TMC7: variants seen among roughly 807,000 people sequenced by gnomAD.
TMC7 encodes transmembrane channel like 7, also known as transmembrane channel-like protein 7.
A neutral mutation model predicts 82.9 loss-of-function variants in TMC7; 54 were observed. The observed-to-expected ratio is 0.65, with a 90% CI of 0.52 to 0.82. The LOEUF (loss-of-function observed/expected upper bound fraction) is 0.82. Ranked by LOEUF, TMC7 falls within the 40% of genes least tolerant of loss-of-function variation. TMC7 has a pLI of 0.00. For missense variants in TMC7, 820 were observed against 901.2 expected (o/e 0.91, Z 1.15); for synonymous variants, 350 against 337.9 (o/e 1.04, Z -0.39).
Position 19,009,451 on chromosome 16 carries a change from A to G in TMC7, c.311+36A>G, listed in dbSNP as rs368219741. On this transcript the variant is annotated intron_variant, in intron 2 of 15. Coordinates refer to ENST00000304381, the MANE Select transcript of TMC7 (RefSeq NM_024847.4). ...TAGCCACCTGGAACCTGCATTGTGT[A>G]TGTTATGGCCCAGAGGTATGTTTTG... The G allele has an allele frequency of 3.8e-6, 6 of 1,593,770 alleles. No homozygotes were observed. The African/African-American group carries it at 6.7e-5, about 18-fold the overall frequency.
chr16:19,020,861 T>TAAAA (rs1211938579), intron 3 of TMC7, among the ~76,000 whole-genome samples: 2 of 140,722 alleles, frequency 1.4e-5, no homozygotes, highest in Admixed American at 7.0e-5. Flanking sequence ...CAAAAATAAA[T>TAAAA]AAATAAATAA....
At chr16:19,039,284 T>A (rs1960902951) in intron 8 of TMC7, among the ~76,000 whole-genome samples, 1 of 151,502 alleles carries the variant, frequency 6.6e-6, no homozygotes. Context: ...AGAGACAGGG[T>A]TTCACCAGTT....
At position 19,028,610 on chromosome 16, in the gene TMC7, A is replaced by T. The variant is rs528039864; in HGVS notation, c.712-1614A>T. ...TTTGGCCATAGATCTTCTGATCCAT[A>T]AACATGGGATGTTGTCCGTTTCTTT... On this transcript the variant is annotated intron_variant, in intron 5 of 15. Coordinates refer to ENST00000304381, the MANE Select transcript of TMC7 (RefSeq NM_024847.4). Among the ~76,000 whole-genome samples the T allele has an allele frequency of 1.1e-3, 168 of 152,224 alleles. 1 individual carries two copies. Among genetic ancestry groups the T allele is most frequent in the Admixed American group, 3.3e-3 (50 of 15,252 alleles).
chr16:18,988,937 C>G (rs1460187620), intron 1 of TMC7, among the ~76,000 whole-genome samples: 1 of 151,814 alleles, frequency 6.6e-6, no homozygotes, highest in Non-Finnish European at 1.5e-5. Flanking sequence ...GTAGTCCCAG[C>G]TACTTGGGAA....
intron 4 of TMC7, 51 bp from the exon 5 acceptor site, chr16:19,023,062 T>C: frequency 8.4e-7 from 1 of 1,195,598 alleles, no homozygotes; most frequent in Non-Finnish European, 1.2e-6. Context: ...CCAGGCAGGT[T>C]ATAGAGACTA....
chr16:19,058,909 G>A (rs1352107910), intron 14 of TMC7, among the ~76,000 whole-genome samples: 1 of 152,092 alleles, frequency 6.6e-6, no homozygotes, highest in Non-Finnish European at 1.5e-5. Flanking sequence ...ACGGAGGCTT[G>A]CTCTGCCGCC....
intron 4 of TMC7, 108 bp from the exon 5 acceptor site, chr16:19,023,005 G>A: frequency 1.7e-6 from 1 of 601,848 alleles, no homozygotes. Context: ...GGATGACAGA[G>A]CGAGACTCCA....
chr16:18,988,046 G>T (rs2038883299), intron 1 of TMC7, among the ~76,000 whole-genome samples: 1 of 151,912 alleles, frequency 6.6e-6, no homozygotes, highest in African/African-American at 2.4e-5. Flanking sequence ...GTTTCCTTCT[G>T]CAGTCTCAAA....
intron 6 of TMC7, among the ~76,000 whole-genome samples, chr16:19,031,095 T>C (rs1007682573): frequency 1.3e-5 from 2 of 152,138 alleles, no homozygotes; most frequent in African/African-American, 4.8e-5. Flanking sequence ...AGGAACGATA[T>C]CAAAAGTAAG....
chr16:18,991,161 G>T (rs1160228906), intron 1 of TMC7, among the ~76,000 whole-genome samples: 2 of 152,114 alleles, frequency 1.3e-5, no homozygotes, highest in Admixed American at 6.6e-5. Flanking sequence ...AAGATTTTGG[G>T]GTAAGGGCTG....
In TMC7 at chr16:19,051,780, G is replaced by A; in HGVS notation, c.1835G>A (p.Cys612Tyr). The change falls in exon 13 of 16, where the codon TGT (cysteine) becomes TAT (tyrosine). Residue 612 changes from cysteine to tyrosine, a missense_variant. Around this residue, in one of 2 missense-constraint regions of TMC7, gnomAD observed 170 missense variants for 231.3 expected, o/e 0.74. Coordinates refer to ENST00000304381, the MANE Select transcript of TMC7 (RefSeq NM_024847.4). Reference protein sequence around the residue: ...FFLLVLLIGLCLAIIPLTISI... With the variant: ...FFLLVLLIGLYLAIIPLTISI... ...CTGTTGGTGTTGTTGATCGGGCTGT[G>A]TTTGGCAATAATACCTCTGACAATC... The A allele has an allele frequency of 6.2e-7, 1 of 1,614,048 alleles. No individual in the cohort carries two copies. The highest frequency in any genetic ancestry group is 1.3e-5 in the African/African-American group (1 of 75,004).
rs369097891 is a variant in TMC7, at chr16:18,994,267, A to G, written c.67+10137A>G. Among the ~76,000 whole-genome samples the G allele has an allele frequency of 1.4e-4, 21 of 150,766 alleles. 1 individual carries two copies. The South Asian group carries it at 4.4e-3, about 32-fold the overall frequency. ...AAGTGGAGCATAGTTTGTGATTTTG[A>G]GGGCCTCTAAAAGTATTAAAGCAGC... On this transcript the variant is annotated intron_variant, in intron 1 of 15. Coordinates refer to ENST00000304381, the MANE Select transcript of TMC7 (RefSeq NM_024847.4).
At chr16:19,037,190 C>T (rs1488642048) in intron 7 of TMC7, among the ~76,000 whole-genome samples, 2 of 151,714 alleles carry the variant, frequency 1.3e-5, no homozygotes, top group East Asian at 3.9e-4. Flanking sequence ...GAGATTGAGA[C>T]CATCCTGGCC....
chr16:19,053,794 A>G (rs1961646463), intron 13 of TMC7, among the ~76,000 whole-genome samples: 2 of 151,710 alleles, frequency 1.3e-5, no homozygotes, highest in African/African-American at 4.8e-5. Context: ...ATTCCTTCTC[A>G]AGTACTTAAT....
chr16:19,019,436 A>G (rs891529071), intron 3 of TMC7, among the ~76,000 whole-genome samples: 1 of 152,226 alleles, frequency 6.6e-6, no homozygotes, highest in East Asian at 1.9e-4. Context: ...TAAGTTTAAC[A>G]TTATGTTTGG....
chr16:19,054,877 T>C (rs1308740642), intron 13 of TMC7, among the ~76,000 whole-genome samples: 1 of 150,662 alleles, frequency 6.6e-6, no homozygotes, highest in Non-Finnish European at 1.5e-5. Flanking sequence ...CCCAAGTAGC[T>C]GGGATTACAG....
intron 14 of TMC7, among the ~76,000 whole-genome samples, chr16:19,057,551 T>A (rs1461862209): frequency 6.6e-6 from 1 of 152,206 alleles, no homozygotes; most frequent in African/African-American, 2.4e-5. Flanking sequence ...TTGATGAGAT[T>A]AATACAATGA....
chr16:19,043,233 C>T (rs983756240), intron 9 of TMC7, among the ~76,000 whole-genome samples: 1 of 152,122 alleles, frequency 6.6e-6, no homozygotes, highest in African/African-American at 2.4e-5. Context: ...TATGTGATAT[C>T]TCTGCAGCAT....
chr16:19,053,343 T>A (rs993564560), intron 13 of TMC7, among the ~76,000 whole-genome samples: 5 of 152,092 alleles, frequency 3.3e-5, no homozygotes, highest in African/African-American at 1.2e-4. Context: ...AGTTTTATAT[T>A]GTATCCTTTC....
Sources: gnomAD v4.1 joint callset for allele counts (sites outside exome capture counted in the v4.1 genomes callset) on GRCh38, gnomAD v4.1.1 for gene constraint, gnomAD v4.1.1 regional missense constraint, MANE v1.5 for transcripts, NCBI Gene and HGNC (gene_info 2026-07-23, HGNC 2026-07-21) for gene names.